HSD11B1L: variants seen among roughly 807,000 people sequenced by gnomAD.
HSD11B1L encodes hydroxysteroid 11-beta dehydrogenase 1 like.
In HSD11B1L, 22 loss-of-function variants were observed where a neutral mutation model predicts 27.0. The ratio of observed to expected loss-of-function variants is 0.81; its 90% CI spans 0.58 to 1.16. The LOEUF is 1.16. HSD11B1L is among the 50% of genes most tolerant of loss of function. HSD11B1L has a pLI of 0.00. For missense variants in HSD11B1L, 372 were observed against 401.8 expected, an observed-to-expected ratio of 0.93 and a Z score of 0.63; for synonymous variants, 187 against 189.2, an observed-to-expected ratio of 0.99 and a Z score of 0.09.
chr19:5,686,493 C>G lies in HSD11B1L; in HGVS notation c.282C>G (p.Pro94=). The change falls in exon 4 of 8, where the codon CCC becomes CCG. Residue 94 remains proline (P), a synonymous_variant. Coordinates refer to ENST00000339423, the MANE Select transcript of HSD11B1L (RefSeq NM_198706.3). ...IAADMASPEA[P]ESVVQFALDK... ...CGGACATGGCCTCCCCTGAGGCGCC[C>G]GAGAGCGTGGTGCAGTTTGCGCTGG... is the stretch of plus-strand genomic sequence containing the variant. The G allele has an allele frequency of 6.3e-7, 1 of 1,584,826 alleles. No individual in the cohort carries two copies. Among genetic ancestry groups the G allele is most frequent in the Non-Finnish European group, 8.6e-7 (1 of 1,167,300 alleles).
rs1215411820 is a variant in HSD11B1L at position 5,687,833 on chromosome 19, G to A, written c.749G>A (p.Gly250Asp). 4.5e-6 allele frequency: 7 copies of A among 1,560,192 alleles called. No individual in the cohort carries two copies. Among genetic ancestry groups the A allele is most frequent in the African/African-American group, 1.4e-5 (1 of 73,562 alleles). Residue 250 changes from glycine to aspartate, a missense_variant, in exon 8 of 8, where the codon GGC (glycine) becomes GAC (aspartate). By Grantham distance (94) the Gly-to-Asp change is moderately conservative. Coordinates refer to ENST00000339423, the MANE Select transcript of HSD11B1L (RefSeq NM_198706.3). The surrounding 1 kb of genome is among the most constrained non-coding windows in gnomAD (Gnocchi z 6.6). ...VIRGGATRAA[G>D]VFYPWRFRLL... ...CGCGGCGGCGCCACGCGCGCGGCCGGCGTCTTCTACCCGTGGCGTTTCCGC... is the reference window on the plus strand; with the variant it reads ...CGCGGCGGCGCCACGCGCGCGGCCGACGTCTTCTACCCGTGGCGTTTCCGC...
rs567485735 is a variant in HSD11B1L at position 5,686,746 on chromosome 19, T to A, written c.317-154T>A. Among the ~76,000 whole-genome samples the A allele has an allele frequency of 8.4e-4, 128 of 152,006 alleles. 1 individual carries two copies. The highest frequency in any genetic ancestry group is 3.0e-3 in the African/African-American group (126 of 41,446). On this transcript the variant is annotated intron_variant, in intron 4 of 7. Transcript: ENST00000339423. ...GAACCAAACCTTGCTAGATCCAGGGTGTAAGGCCAAGGCTGGGTGTCTTTG... is the reference window on the plus strand; with the variant it reads ...GAACCAAACCTTGCTAGATCCAGGGAGTAAGGCCAAGGCTGGGTGTCTTTG...
In HSD11B1L at chr19:5,687,236, C is replaced by A; in HGVS notation, c.409-46C>A. On this transcript the variant is annotated intron_variant, in intron 5 of 7. Coordinates refer to ENST00000339423, the MANE Select transcript of HSD11B1L (RefSeq NM_198706.3). This position sits in a 1 kb window ranked among gnomAD's most constrained non-coding sequence, Gnocchi z 6.6. ...CCTCTGGGTTTCTGGCCCCGCCCTG[C>A]CCCTGGGCTCCGCCTCTGCCGGTGA... The A allele has an allele frequency of 1.3e-6, 2 of 1,593,930 alleles. No individual in the cohort carries two copies. The highest frequency in any genetic ancestry group is 1.7e-6 in the Non-Finnish European group (2 of 1,167,060).
rs1368289051 is a variant in HSD11B1L at position 5,688,117 on chromosome 19, G to C, written c.*172G>C. On this transcript the variant is annotated 3_prime_UTR_variant, in exon 8 of 8. Transcript: ENST00000339423. ...ACGACGGGCACCTGGAACCAGTCACGGCTTGGGAGGTGCAGGTGCCCCGTG... is the reference window on the plus strand; with the variant it reads ...ACGACGGGCACCTGGAACCAGTCACCGCTTGGGAGGTGCAGGTGCCCCGTG... 6.4e-7 allele frequency: 1 copy of C among 1,551,218 alleles called. No homozygotes were observed.
chr19:5,684,870 T>TCTTCGC lies in HSD11B1L; in HGVS notation c.41_46dup (p.Phe14_Ala15dup). ...CTCCTCACAGGGCTGGGGGCCCTGT[T>TCTTCGC]CTTCGCCTATTATTGGGATGACAAC... On this transcript the variant is annotated inframe_insertion, in exon 2 of 8. Transcript: ENST00000339423. The TCTTCGC allele has an allele frequency of 6.2e-7, 1 of 1,613,872 alleles. No homozygotes were observed. The highest frequency in any genetic ancestry group is 8.5e-7 in the Non-Finnish European group (1 of 1,180,002).
At chr19:5,681,729 C>T (rs2054555552) in intron 1 of HSD11B1L, among the ~76,000 whole-genome samples, 1 of 151,862 alleles carries the variant, frequency 6.6e-6, no homozygotes, top group African/African-American at 2.4e-5. Context: ...TACATCCATC[C>T]ACTCATCCAT....
chr19:5,686,134 A>G (rs937673341), intron 3 of HSD11B1L, among the ~76,000 whole-genome samples: 68 of 152,214 alleles, frequency 4.5e-4, no homozygotes, highest in African/African-American at 1.5e-3. Context: ...AAACCTTTCA[A>G]TATTTCAAGA....
chr19:5,685,190 C>A lies in HSD11B1L; in HGVS notation c.204+71C>A. Reference sequence around the variant, plus strand: ...GGTGGGAAGAGAGCCTGGGTTTAATCCCTGCAATGATCCAGGCTTCCCGTG... The same window carrying A: ...GGTGGGAAGAGAGCCTGGGTTTAATACCTGCAATGATCCAGGCTTCCCGTG... On this transcript the variant is annotated intron_variant, in intron 3 of 7. Coordinates refer to ENST00000339423, the MANE Select transcript of HSD11B1L (RefSeq NM_198706.3). This position sits in a 1 kb window ranked among gnomAD's most constrained non-coding sequence, Gnocchi z 4.3. 1 of 1,514,036 alleles carries A rather than the reference C, an allele frequency of 6.6e-7. No individual in the cohort carries two copies. The highest frequency in any genetic ancestry group is 1.2e-5 in the South Asian group (1 of 83,568). The allele number at this position is 1,514,036 out of a possible 1,614,324, so 93.8% of individuals were successfully genotyped here.
At position 5,685,181 on chromosome 19, in the gene HSD11B1L, G is replaced by A; in HGVS notation, c.204+62G>A. On this transcript the variant is annotated intron_variant, in intron 3 of 7. Transcript: ENST00000339423. This position sits in a 1 kb window ranked among gnomAD's most constrained non-coding sequence, Gnocchi z 4.3. ...CTCATGGGGGGTGGGAAGAGAGCCT[G>A]GGTTTAATCCCTGCAATGATCCAGG... 6.5e-7 allele frequency: 1 copy of A among 1,527,262 alleles called. No individual in the cohort carries two copies. Among genetic ancestry groups the A allele is most frequent in the Non-Finnish European group, 8.8e-7 (1 of 1,138,336 alleles). 94.6% of individuals were successfully genotyped at this position (1,527,262 alleles called of 1,614,324 possible).
chr19:5,687,879 C>T lies in HSD11B1L; in HGVS notation c.795C>T (p.Arg265=), dbSNP rs1347017853. Reference sequence around the variant, plus strand: ...TCCGCCTGCTGTGCTTGCTCCGGCGCTGGCTACCGCGCCCGCGGGCCTGGT... The same window carrying T: ...TCCGCCTGCTGTGCTTGCTCCGGCGTTGGCTACCGCGCCCGCGGGCCTGGT... ...WRFRLLCLLR[R]WLPRPRAWFI... is the part of the protein sequence containing the mutation. The change falls in exon 8 of 8, where the codon CGC becomes CGT. Residue 265 remains arginine (R), a synonymous_variant. Transcript: ENST00000339423. The surrounding 1 kb of genome is among the most constrained non-coding windows in gnomAD (Gnocchi z 6.6). 6.3e-7 allele frequency: 1 copy of T among 1,580,886 alleles called. No individual in the cohort carries two copies.
chr19:5,686,601 G>A, intron 4 of HSD11B1L, 74 bp downstream of exon 4: 1 of 1,205,556 alleles, frequency 8.3e-7, no homozygotes, highest in African/African-American at 1.5e-5. Context: ...GAATTGGGCT[G>A]TGGGTGTGGC....
chr19:5,683,022 T>C (rs2054598133), intron 1 of HSD11B1L, among the ~76,000 whole-genome samples: 1 of 151,874 alleles, frequency 6.6e-6, no homozygotes, highest in Admixed American at 6.5e-5. Context: ...CTCCATTGGC[T>C]GGGATCACAG....
Position 5,687,539 on chromosome 19 carries a change from C to A in HSD11B1L, c.539C>A (p.Ala180Glu). Residue 180 changes from alanine (A) to glutamate (E), a missense_variant, in exon 7 of 8, where the codon GCG becomes GAG. Physicochemically the swap from Ala to Glu is moderately radical, Grantham distance 107. Transcript: ENST00000339423. This position sits in a 1 kb window ranked among gnomAD's most constrained non-coding sequence, Gnocchi z 6.6. ...VPTSFSTPYS[A>E]AKFALDGFFG... is the part of the protein sequence containing the mutation. The stretch of plus-strand genomic sequence containing the variant: ...ACGTCGTTCTCCACTCCCTACTCGG[C>A]GGCCAAGTTTGCGCTGGACGGCTTC... 1 of 1,599,742 alleles carries A rather than the reference C, an allele frequency of 6.3e-7. No individual in the cohort carries two copies. The highest frequency in any genetic ancestry group is 8.5e-7 in the Non-Finnish European group (1 of 1,179,408).
At position 5,687,200 on chromosome 19, in the gene HSD11B1L, C is replaced by A; in HGVS notation, c.409-82C>A. ...TTTCTGGCCCCGTCTCTGACCCGGC[C>A]CTGGCCCCGCCCTCTGGGTTTCTGG... On this transcript the variant is annotated intron_variant, in intron 5 of 7. Coordinates refer to ENST00000339423, the MANE Select transcript of HSD11B1L (RefSeq NM_198706.3). The surrounding 1 kb of genome is among the most constrained non-coding windows in gnomAD (Gnocchi z 6.6). 1 of 1,477,060 alleles carries A rather than the reference C, an allele frequency of 6.8e-7. No homozygotes were observed. Among genetic ancestry groups the A allele is most frequent in the Non-Finnish European group, 9.3e-7 (1 of 1,079,680 alleles). 91.5% of individuals were successfully genotyped at this position (1,477,060 alleles called of 1,614,324 possible).
chr19:5,687,541 G>A lies in HSD11B1L; in HGVS notation c.541G>A (p.Ala181Thr). 6.3e-7 allele frequency: 1 copy of A among 1,599,672 alleles called. No individual in the cohort carries two copies. The highest frequency in any genetic ancestry group is 8.5e-7 in the Non-Finnish European group (1 of 1,179,404). Residue 181 changes from alanine (A) to threonine (T), a missense_variant, in exon 7 of 8, where the codon GCC (alanine) becomes ACC (threonine). Physicochemically the swap from Ala to Thr is moderately conservative, Grantham distance 58. Coordinates refer to ENST00000339423, the MANE Select transcript of HSD11B1L (RefSeq NM_198706.3). This position sits in a 1 kb window ranked among gnomAD's most constrained non-coding sequence, Gnocchi z 6.6. ...PTSFSTPYSAAKFALDGFFGS... is the reference protein window; with the variant it reads ...PTSFSTPYSATKFALDGFFGS... Reference sequence around the variant, plus strand: ...GTCGTTCTCCACTCCCTACTCGGCGGCCAAGTTTGCGCTGGACGGCTTCTT... The same window carrying A: ...GTCGTTCTCCACTCCCTACTCGGCGACCAAGTTTGCGCTGGACGGCTTCTT...
In HSD11B1L at chr19:5,685,665, G is replaced by A. The variant is rs1017659469; in HGVS notation, c.204+546G>A. 6.0e-6 allele frequency: 1 copy of A among 166,212 alleles called. No homozygotes were observed. Among genetic ancestry groups the A allele is most frequent in the Non-Finnish European group, 1.3e-5 (1 of 75,380 alleles). 10.3% of individuals were successfully genotyped at this position (166,212 alleles called of 1,614,324 possible). A position where few individuals can be genotyped will look rare whatever the true frequency, so the allele number is the denominator to read the frequency against. ...AGGCGGGAGAATTGCTGGAACCCGG[G>A]AGGTGGAGGTTGCAGTGAGCTGAGA... On this transcript the variant is annotated intron_variant, in intron 3 of 7. Coordinates refer to ENST00000339423, the MANE Select transcript of HSD11B1L (RefSeq NM_198706.3). The surrounding 1 kb of genome is among the most constrained non-coding windows in gnomAD (Gnocchi z 4.3).
Position 5,686,938 on chromosome 19 carries a change from GC to G in HSD11B1L, c.359del (p.Pro120ArgfsTer18). On this transcript the variant is annotated frameshift_variant, in exon 5 of 8. Transcript: ENST00000339423. LOFTEE classifies it high-confidence loss of function. ...CCTCGTGCTGAACCACATCGGCGGC[GC>G]CCCGGCCGGCACGCGAGCCCGCAGC... ...DYLVLNHIGG[A>X]PAGTRARSPQ... The G allele has an allele frequency of 6.4e-7, 1 of 1,552,780 alleles. No homozygotes were observed. The highest frequency in any genetic ancestry group is 2.4e-5 in the East Asian group (1 of 41,078).
rs1373912440 is a variant in HSD11B1L at position 5,688,148 on chromosome 19, C to T, written c.*203C>T. On this transcript the variant is annotated 3_prime_UTR_variant, in exon 8 of 8. Transcript: ENST00000339423. Reference sequence around the variant, plus strand: ...GGAGGTGCAGGTGCCCCGTGTTAGGCGCCTTTGTCGGGGACTTGCAAGGCC... The same window carrying T: ...GGAGGTGCAGGTGCCCCGTGTTAGGTGCCTTTGTCGGGGACTTGCAAGGCC... 8 of 1,551,000 alleles carry T rather than the reference C, an allele frequency of 5.2e-6. No homozygotes were observed. The highest frequency in any genetic ancestry group is 2.4e-5 in the South Asian group (2 of 84,040).
rs535314623 is a variant in HSD11B1L, at chr19:5,685,066, C to T, written c.151C>T (p.Arg51Cys). The change falls in exon 3 of 8, where the codon CGT becomes TGT. Residue 51 changes from arginine to cysteine, a missense_variant. Arg to Cys is a radical substitution (Grantham distance 180, BLOSUM62 -3). Coordinates refer to ENST00000339423, the MANE Select transcript of HSD11B1L (RefSeq NM_198706.3). The surrounding 1 kb of genome is among the most constrained non-coding windows in gnomAD (Gnocchi z 4.3). ...TGAGGAGCTGGCCTATCACTACGCGCGTCTGGGCTCCCACCTGGTGCTCAC... is the reference window on the plus strand; with the variant it reads ...TGAGGAGCTGGCCTATCACTACGCGTGTCTGGGCTCCCACCTGGTGCTCAC... Reference protein sequence around the residue: ...VGEELAYHYARLGSHLVLTAH... With the variant: ...VGEELAYHYACLGSHLVLTAH... 26 of 1,554,742 alleles carry T rather than the reference C, an allele frequency of 1.7e-5. No individual in the cohort carries two copies. The highest frequency in any genetic ancestry group is 1.7e-4 in the Middle Eastern group (1 of 5,908).
Sources: allele counts gnomAD v4.1 joint callset (sites outside exome capture counted in the v4.1 genomes callset), GRCh38; gene constraint gnomAD v4.1.1; non-coding constraint Gnocchi (gnomAD v3.1); transcripts MANE v1.5; gene names NCBI Gene and HGNC (gene_info 2026-07-23, HGNC 2026-07-21).